The following MYO9A variants were observed in gnomAD, a reference collection of about 807,000 sequenced individuals.
MYO9A encodes myosin IXA.
Under a neutral mutation model 293.3 loss-of-function variants are expected in MYO9A, and 103 were observed. The observed-to-expected ratio is 0.35, with a 90% confidence interval of 0.30 to 0.41. The LOEUF is 0.41. Ranked by LOEUF, MYO9A falls within the 10% of genes least tolerant of loss-of-function variation. The pLI, the probability that MYO9A is intolerant of heterozygous loss-of-function variation, is 1.00. For synonymous variants in MYO9A, 1,001 were observed against 1,035.7 expected (o/e 0.97, Z 0.64); for missense variants, 2,685 against 3,033.0 (o/e 0.89, Z 2.69).
chr15:72,111,225 C>T (rs1305279073), intron 1 of MYO9A, among the ~76,000 whole-genome samples: 2 of 151,714 alleles, frequency 1.3e-5, no homozygotes, highest in Non-Finnish European at 2.9e-5. Context: ...CACAGTGGCT[C>T]ACACCTATAA....
intron 38 of MYO9A, 76 bp downstream of exon 38, chr15:71,849,960 G>GAACCCATTCACTATT: frequency 9.5e-7 from 1 of 1,056,574 alleles, no homozygotes; most frequent in Non-Finnish European, 1.3e-6. Context: ...CATTCACTAT[G>GAACCCATTCACTATT]TTTGATATCT....
intron 40 of MYO9A, among the ~76,000 whole-genome samples, 194 bp downstream of exon 40, chr15:71,829,915 T>C (rs2054648011): frequency 6.6e-6 from 1 of 152,108 alleles, no homozygotes; most frequent in African/African-American, 2.4e-5. Context: ...TGGAACTGGC[T>C]TCCCAGAGGG....
rs116206236 is a variant in MYO9A at position 71,827,082 on chromosome 15, C to T, written c.7184-39G>A. The T allele has an allele frequency of 3.0e-3, 4,209 of 1,424,796 alleles. 103 individuals are homozygous for T. In the African/African-American group the frequency reaches 0.054, roughly 18 times the overall value. 88.3% of individuals were successfully genotyped at this position (1,424,796 alleles called of 1,614,324 possible). ...GAGACCAAAGATGTAAATGACAGTG[C>T]CCTCTAAAGCAAATCATCATATAAT... On this transcript the variant is annotated intron_variant, in intron 41 of 41. Coordinates refer to ENST00000356056, the MANE Select transcript of MYO9A (RefSeq NM_006901.4).
chr15:72,094,401 T>C lies in MYO9A; in HGVS notation c.-72+23279A>G, dbSNP rs566446649. ...AAATTAAAGGTTTGTGGCAACCCTG[T>C]GTCAAGTAAGTCAACAGGTGCCATC... is the stretch of plus-strand genomic sequence containing the variant. On this transcript the variant is annotated intron_variant, in intron 1 of 41. Transcript: ENST00000356056. 1.2e-4 allele frequency among the ~76,000 whole-genome samples: 11 copies of C among 91,618 alleles called. 1 individual carries two copies. The East Asian group carries it at 2.6e-3, about 21-fold the overall frequency. The allele number at this position is 91,618 out of a possible 152,430, so 60.1% of individuals were successfully genotyped here.
chr15:72,093,641 T>C (rs113484859), intron 1 of MYO9A, among the ~76,000 whole-genome samples: 69,627 of 133,476 alleles, frequency 0.52, 23,409 homozygotes, highest in Non-Finnish European at 0.73. Context: ...AATCCCAACA[T>C]TTTGGGAGGC....
intron 1 of MYO9A, among the ~76,000 whole-genome samples, chr15:72,099,737 A>C (rs1470013531): frequency 6.6e-6 from 1 of 151,590 alleles, no homozygotes; most frequent in Non-Finnish European, 1.5e-5. Context: ...CCCTGACTCT[A>C]CTAAAAACAT....
At chr15:71,931,279 G>A (rs2058467504) in intron 18 of MYO9A, among the ~76,000 whole-genome samples, 1 of 152,184 alleles carries the variant, frequency 6.6e-6, no homozygotes, top group Non-Finnish European at 1.5e-5. Context: ...CTACTTGTAA[G>A]TCAGGTCTAG....
chr15:71,863,004 C>T (rs1477125987), intron 32 of MYO9A, among the ~76,000 whole-genome samples: 1 of 150,126 alleles, frequency 6.7e-6, no homozygotes, highest in African/African-American at 2.5e-5. Context: ...CAGCTCACTG[C>T]AGCCTCCGCC....
Position 71,898,105 on chromosome 15 carries a change from A to G in MYO9A, c.4398T>C (p.Tyr1466=). The part of the protein sequence containing the change: ...TLDINRETRR[Y]HCSGKDQIVP... ...CAATCTGATCTTTTCCTGAGCAGTG[A>G]TACCTTCTAGTTTCCCTGTTGATAT... Residue 1466 remains tyrosine (Y), a synonymous_variant, in exon 25 of 42, where the codon TAT becomes TAC. Transcript: ENST00000356056. The G allele has an allele frequency of 1.2e-6, 2 of 1,614,152 alleles. No individual in the cohort carries two copies. Among genetic ancestry groups the G allele is most frequent in the South Asian group, 2.2e-5 (2 of 91,084 alleles).
Position 72,118,094 on chromosome 15 carries a change from G to A in MYO9A, c.-486C>T, listed in dbSNP as rs949989544. The A allele has an allele frequency of 5.6e-5, 22 of 391,830 alleles. No homozygotes were observed. The highest frequency in any genetic ancestry group is 3.7e-4 in the African/African-American group (18 of 48,244). The allele number at this position is 391,830 out of a possible 1,614,324, so 24.3% of individuals were successfully genotyped here. On this transcript the variant is annotated 5_prime_UTR_variant, in exon 1 of 42. Transcript: ENST00000356056. The stretch of plus-strand genomic sequence containing the variant: ...GCTTCGGTCGCGCGCCCCCGACCCC[G>A]CGCACGCGGCCCCGCCCCGCGCGAC...
chr15:72,085,754 G>A (rs2079699277), intron 1 of MYO9A, among the ~76,000 whole-genome samples: 1 of 152,166 alleles, frequency 6.6e-6, no homozygotes, highest in African/African-American at 2.4e-5. Flanking sequence ...TTTGCGGGCT[G>A]ATGTTCCTTC....
At chr15:72,014,888 C>T (rs371494961) in intron 6 of MYO9A, among the ~76,000 whole-genome samples, 10 of 151,950 alleles carry the variant, frequency 6.6e-5, no homozygotes, top group South Asian at 2.1e-4. Flanking sequence ...TGCCCACCCA[C>T]GCTGGAGTGC....
intron 8 of MYO9A, among the ~76,000 whole-genome samples, chr15:72,007,121 T>C (rs1451605839): frequency 6.6e-6 from 1 of 152,166 alleles, no homozygotes; most frequent in Admixed American, 6.5e-5. Context: ...TGATTACATA[T>C]TAAAATATGT....
upstream of MYO9A, chr15:72,118,198 G>C (rs1323256725): frequency 8.4e-6 from 3 of 358,194 alleles, no homozygotes; most frequent in East Asian, 1.2e-4. Context: ...GCCCCGCCCT[G>C]TCCCGCCCCC....
rs151061851 is a variant in MYO9A, at chr15:71,920,986, A to T, written c.2563-4494T>A. ...GATTTGAGCCCAAGTGACTATAAAA[A>T]CGTACTAGGGGAGCAACACAGTAAA... On this transcript the variant is annotated intron_variant, in intron 18 of 41. Transcript: ENST00000356056. Among the ~76,000 whole-genome samples the T allele has an allele frequency of 1.8e-4, 27 of 152,260 alleles. No homozygotes were observed. In the East Asian group the frequency reaches 5.0e-3, roughly 28 times the overall value.
At position 71,848,856 on chromosome 15, in the gene MYO9A, G is replaced by C. The variant is rs759347363; in HGVS notation, c.6826C>G (p.Arg2276Gly). Residue 2276 changes from arginine (R) to glycine (G), a missense_variant, in exon 39 of 42, where the codon CGT becomes GGT. Coordinates refer to ENST00000356056, the MANE Select transcript of MYO9A (RefSeq NM_006901.4). ...GTGTTGCATCTTACCATTGATCTAC[G>C]AATCAGTGACAACCTGGTCTTTGCC... ...NKAKTRLSLI[R>G]RSMGKGRIRR... 1.2e-6 allele frequency: 2 copies of C among 1,602,982 alleles called. No homozygotes were observed. The highest frequency in any genetic ancestry group is 1.8e-5 in the Admixed American group (1 of 56,524).
At chr15:71,972,478 TG>T (rs759935977) in intron 12 of MYO9A, among the ~76,000 whole-genome samples, 53 of 151,906 alleles carry the variant, frequency 3.5e-4, no homozygotes, top group Non-Finnish European at 6.6e-4. Flanking sequence ...GAAGGTGGGG[TG>T]GGGTGCAGTT....
At chr15:71,866,748 A>G (rs976219877) in intron 32 of MYO9A, among the ~76,000 whole-genome samples, 100 of 152,140 alleles carry the variant, frequency 6.6e-4, no homozygotes, top group Non-Finnish European at 1.8e-4. Flanking sequence ...TAGATCAACT[A>G]ATGAAACAAG....
At chr15:71,953,595 C>A (rs1395410248) in intron 14 of MYO9A, 1 of 152,194 alleles carries the variant, frequency 6.6e-6, no homozygotes, top group Non-Finnish European at 1.5e-5. Flanking sequence ...AACTGTGGCA[C>A]TGCCATTTAA....
Sources: gnomAD v4.1 joint callset for allele counts (sites outside exome capture counted in the v4.1 genomes callset) on GRCh38, gnomAD v4.1.1 for gene constraint, MANE v1.5 for transcripts, NCBI Gene and HGNC (gene_info 2026-07-23, HGNC 2026-07-21) for gene names.